FBXW10B: variants seen among roughly 807,000 people sequenced by gnomAD.
FBXW10B encodes the protein F-box and WD repeat domain containing 10B, also known as F-box and WD repeat domain containing protein 10B.
the FBXW10B span, among the ~76,000 whole-genome samples, chr17:15,577,310 CT>C: frequency 6.6e-6 from 1 of 152,008 alleles, no homozygotes; most frequent in African/African-American, 2.4e-5. Context: ...TTCACAAAAA[CT>C]TTTTGTACAT....
At chr17:15,587,605 C>G in the FBXW10B span, among the ~76,000 whole-genome samples, 1 of 151,652 alleles carries the variant, frequency 6.6e-6, no homozygotes, top group African/African-American at 2.4e-5. Flanking sequence ...CCTCTGGCCC[C>G]CTCCCGGCTA....
chr17:15,584,138 AG>A, the FBXW10B span, among the ~76,000 whole-genome samples: 3 of 152,234 alleles, frequency 2.0e-5, no homozygotes, highest in African/African-American at 4.8e-5. Context: ...TGTGAACAAA[AG>A]TCTACCCATA....
At chr17:15,605,401 G>A in the FBXW10B span, 5 of 1,557,420 alleles carry the variant, frequency 3.2e-6, no homozygotes, top group Admixed American at 9.5e-5. Flanking sequence ...CCGGAATAGT[G>A]GATGACTCGG....
At chr17:15,599,034 G>C in the FBXW10B span, among the ~76,000 whole-genome samples, 1 of 152,028 alleles carries the variant, frequency 6.6e-6, no homozygotes, top group Non-Finnish European at 1.5e-5. Flanking sequence ...AATTAGCCAG[G>C]CATGGTGGCG....
chr17:15,613,404 A>G, the FBXW10B span, among the ~76,000 whole-genome samples: 1 of 126,092 alleles, frequency 7.9e-6, no homozygotes, highest in Non-Finnish European at 1.6e-5. Flanking sequence ...CTCTATCCCT[A>G]TTGTCCTTGT....
the FBXW10B span, chr17:15,596,665 G>T: frequency 6.2e-7 from 1 of 1,613,538 alleles, no homozygotes; most frequent in South Asian, 1.1e-5. Flanking sequence ...ATCCCATACT[G>T]AAAAGGAGGG....
chr17:15,585,614 GC>G, the FBXW10B span, among the ~76,000 whole-genome samples: 1 of 152,232 alleles, frequency 6.6e-6, no homozygotes, highest in African/African-American at 2.4e-5. Context: ...TCACAAGGTT[GC>G]CCGTGTTTGA....
chr17:15,609,606 A>T, the FBXW10B span, among the ~76,000 whole-genome samples: 2 of 151,374 alleles, frequency 1.3e-5, no homozygotes, highest in Admixed American at 1.3e-4. Flanking sequence ...CTTCATTTCC[A>T]CATCCATAAA....
the FBXW10B span, among the ~76,000 whole-genome samples, chr17:15,585,223 C>A: frequency 6.6e-6 from 1 of 151,944 alleles, no homozygotes; most frequent in East Asian, 1.9e-4. Flanking sequence ...TCTTTGTAAT[C>A]TTTCATCTGG....
chr17:15,587,627 G>A, the FBXW10B span, among the ~76,000 whole-genome samples: 11 of 151,650 alleles, frequency 7.3e-5, no homozygotes, highest in Non-Finnish European at 1.0e-4. Flanking sequence ...ATTCTAACTC[G>A]TCATAATTCT....
chr17:15,594,375 G>A, the FBXW10B span, among the ~76,000 whole-genome samples: 5 of 150,674 alleles, frequency 3.3e-5, no homozygotes, highest in South Asian at 1.1e-3. Context: ...AGAAGGCTGA[G>A]ACAGGAGAAT....
At chr17:15,575,488 G>A in the FBXW10B span, among the ~76,000 whole-genome samples, 1 of 149,802 alleles carries the variant, frequency 6.7e-6, no homozygotes, top group Admixed American at 6.6e-5. Flanking sequence ...CCGACTTCTG[G>A]AAAGGGTGGC....
chr17:15,577,485 T>C, the FBXW10B span, among the ~76,000 whole-genome samples: 1 of 152,232 alleles, frequency 6.6e-6, no homozygotes, highest in Non-Finnish European at 1.5e-5. Context: ...GATTCTTCTG[T>C]TCTCATCTCC....
At chr17:15,599,914 G>A in the FBXW10B span, among the ~76,000 whole-genome samples, 4 of 151,906 alleles carry the variant, frequency 2.6e-5, no homozygotes, top group South Asian at 2.1e-4. Flanking sequence ...TCTGTAAACT[G>A]AGAATAATAA....
chr17:15,592,392 A>G, the FBXW10B span, among the ~76,000 whole-genome samples: 3 of 150,282 alleles, frequency 2.0e-5, no homozygotes, highest in Non-Finnish European at 4.4e-5. Flanking sequence ...GGTAAATAAT[A>G]CTAATAAAGT....
chr17:15,618,646 C>A, the FBXW10B span, among the ~76,000 whole-genome samples: 1 of 152,124 alleles, frequency 6.6e-6, no homozygotes, highest in South Asian at 2.1e-4. Context: ...CCCTTTACAA[C>A]CCTCTCAAGC....
the FBXW10B span, among the ~76,000 whole-genome samples, chr17:15,586,717 G>A: frequency 2.0e-5 from 3 of 151,536 alleles, no homozygotes; most frequent in South Asian, 2.1e-4. Context: ...ACTCCATCAG[G>A]ATGCTTGGCT....
At chr17:15,569,651 T>G in the FBXW10B span, among the ~76,000 whole-genome samples, 1 of 151,550 alleles carries the variant, frequency 6.6e-6, no homozygotes, top group African/African-American at 2.4e-5. Context: ...GTGTGGCCGG[T>G]TTCGAACTCC....
the FBXW10B span, among the ~76,000 whole-genome samples, chr17:15,598,172 G>T: frequency 1.3e-5 from 2 of 152,052 alleles, no homozygotes; most frequent in East Asian, 1.9e-4. Flanking sequence ...AGCCGTTGTT[G>T]TTCATGGACT....
Sources: gnomAD v4.1 joint callset for allele counts (sites outside exome capture counted in the v4.1 genomes callset) on GRCh38, gnomAD v4.1.1 for gene constraint, MANE v1.5 for transcripts, NCBI Gene and HGNC (gene_info 2026-07-23, HGNC 2026-07-21) for gene names.